CCNL2: variants seen among roughly 807,000 people sequenced by gnomAD.
CCNL2 encodes cyclin L2.
In CCNL2, 28 loss-of-function variants were observed where a neutral mutation model predicts 59.1. The ratio of observed to expected loss-of-function variants is 0.47; its 90% CI spans 0.35 to 0.65. The LOEUF (loss-of-function observed/expected upper bound fraction) is 0.65. Among genes scored for constraint, CCNL2 ranks in the 30% least tolerant of loss-of-function variants. The pLI is 0.00. For synonymous variants in CCNL2, 342 were observed against 288.6 expected, an observed-to-expected ratio of 1.19 and a Z score of -1.88; for missense variants, 714 against 717.4, an observed-to-expected ratio of 1.00 and a Z score of 0.05.
chr1:1,398,325 A>C lies in CCNL2; in HGVS notation c.381T>G (p.Cys127Trp). 6.2e-7 allele frequency: 1 copy of C among 1,614,188 alleles called. No individual in the cohort carries two copies. Among genetic ancestry groups the C allele is most frequent in the Non-Finnish European group, 8.5e-7 (1 of 1,180,018 alleles). ...CTTCTATCTTGGAAGCCAGGTGGAC[A>C]CAGGCCATTGACACATGCTGAAGCG... ...KHSMEHVSMA[C>W]VHLASKIEEA... The change falls in exon 3 of 11, where the codon TGT (cysteine) becomes TGG (tryptophan). Residue 127 changes from cysteine to tryptophan, a missense_variant. This residue lies in a region of CCNL2 where 270 missense variants were observed against 254.9 expected (regional missense o/e 1.06). Coordinates refer to ENST00000400809, the MANE Select transcript of CCNL2 (RefSeq NM_030937.6).
chr1:1,398,000 C>A (rs934667897), intron 3 of CCNL2, among the ~76,000 whole-genome samples: 2 of 152,188 alleles, frequency 1.3e-5, no homozygotes, highest in South Asian at 2.1e-4. Flanking sequence ...GAAGCCAGCC[C>A]CAGCGCGACC....
At chr1:1,395,220 C>T (rs1009009030) in intron 4 of CCNL2, 174 bp downstream of exon 4, 2 of 588,204 alleles carry the variant, frequency 3.4e-6, no homozygotes, top group Non-Finnish European at 2.9e-6. Flanking sequence ...ACAGCTGACA[C>T]TAGAAGACGA....
At chr1:1,398,111 A>G (rs1204146228) in intron 3 of CCNL2, 122 bp downstream of exon 3, 38 of 922,954 alleles carry the variant, frequency 4.1e-5, no homozygotes, top group Non-Finnish European at 4.8e-5. Context: ...GACTGCGCTC[A>G]TGAATATCCC....
At chr1:1,389,082 A>T (rs1449467789) in intron 8 of CCNL2, 1 of 169,332 alleles carries the variant, frequency 5.9e-6, no homozygotes, top group Non-Finnish European at 1.3e-5. Flanking sequence ...TCTCAAAAAA[A>T]GAAATGCAGG....
rs1442001217 is a variant in CCNL2, at chr1:1,393,098, G to A, written c.659+298C>T. On this transcript the variant is annotated intron_variant, in intron 5 of 10. Transcript: ENST00000400809. ...CTAGCCTGTCCCTCCACCCTCCCCAGGAAAAGGTCCCCCTGCGCCAAGTCA... is the reference window on the plus strand; with the variant it reads ...CTAGCCTGTCCCTCCACCCTCCCCAAGAAAAGGTCCCCCTGCGCCAAGTCA... 12 of 584,736 alleles carry A rather than the reference G, an allele frequency of 2.1e-5. No homozygotes were observed. The East Asian group carries it at 2.6e-4, about 12-fold the overall frequency. 36.2% of individuals were successfully genotyped at this position (584,736 alleles called of 1,614,324 possible).
chr1:1,397,302 C>A (rs1471077176), intron 3 of CCNL2, among the ~76,000 whole-genome samples: 1 of 151,990 alleles, frequency 6.6e-6, no homozygotes, highest in African/African-American at 2.4e-5. Context: ...AACAGACTTT[C>A]GTTTTTTTTG....
At chr1:1,388,579 CTCTCTATA>C (rs778458870) in intron 8 of CCNL2, 28 of 428,528 alleles carry the variant, frequency 6.5e-5, no homozygotes, top group Middle Eastern at 7.0e-4. Context: ...CTCTCTCTCT[CTCTCTATA>C]TATATATATA....
intron 5 of CCNL2, chr1:1,391,853 T>C (rs1013369603): frequency 6.9e-6 from 2 of 291,216 alleles, no homozygotes; most frequent in African/African-American, 4.5e-5. Flanking sequence ...GGTGATTCCA[T>C]GAGGACAGTT....
At position 1,391,244 on chromosome 1, in the gene CCNL2, T is replaced by C. The variant is rs564761298; in HGVS notation, c.660-379A>G. 72 of 1,102,570 alleles carry C rather than the reference T, an allele frequency of 6.5e-5. 1 individual carries two copies. In the South Asian group the frequency reaches 1.1e-3, roughly 17 times the overall value. 68.3% of individuals were successfully genotyped at this position (1,102,570 alleles called of 1,614,324 possible). On this transcript the variant is annotated intron_variant, in intron 5 of 10. Transcript: ENST00000400809. ...TCTACTGGAGTCACTAAAACGCTTT[T>C]GATTAAAGAAATCTAAATGCTCAAA...
At chr1:1,394,318 T>G (rs1019311858) in intron 4 of CCNL2, among the ~76,000 whole-genome samples, 4 of 152,032 alleles carry the variant, frequency 2.6e-5, no homozygotes, top group African/African-American at 9.7e-5. Flanking sequence ...ACGCTGGGAG[T>G]GAGGGACCGT....
intron 5 of CCNL2, chr1:1,392,828 G>A (rs1644824898): frequency 5.0e-6 from 8 of 1,610,742 alleles, no homozygotes; most frequent in Admixed American, 1.7e-5. Context: ...GTACAGAAAA[G>A]AAAAGTCAAA....
At chr1:1,391,949 G>T (rs1006761614) in intron 5 of CCNL2, 3 of 200,324 alleles carry the variant, frequency 1.5e-5, no homozygotes, top group Middle Eastern at 2.3e-3. Context: ...GAGGTGGGTT[G>T]TGAGGGAATC....
rs753835778 is a variant in CCNL2, at chr1:1,390,762, T to C, written c.759+4A>G. The C allele has an allele frequency of 1.9e-6, 3 of 1,613,232 alleles. No individual in the cohort carries two copies. Among genetic ancestry groups the C allele is most frequent in the Non-Finnish European group, 2.5e-6 (3 of 1,179,304 alleles). The stretch of plus-strand genomic sequence containing the variant: ...GAATCTCTCCATAGTAGCAACACAC[T>C]GACCTCCAGCGTCCGGGCAGCAAGA... On this transcript the variant is annotated splice_donor_region_variant and intron_variant, in intron 6 of 10. Coordinates refer to ENST00000400809, the MANE Select transcript of CCNL2 (RefSeq NM_030937.6).
At chr1:1,389,959 A>G (rs1422028420) in intron 8 of CCNL2, among the ~76,000 whole-genome samples, 1 of 152,104 alleles carries the variant, frequency 6.6e-6, no homozygotes, top group East Asian at 1.9e-4. Context: ...TCTGTCTCAA[A>G]CAAAAAGAAT....
At position 1,398,357 on chromosome 1, in the gene CCNL2, T is replaced by C. The variant is rs1645165310; in HGVS notation, c.364-15A>G. ...ATTGACACATGCTGAAGCGGAAGCA[T>C]TGCAACACGCCCATGTTTGTCCCCA... On this transcript the variant is annotated splice_polypyrimidine_tract_variant and intron_variant, in intron 2 of 10. Coordinates refer to ENST00000400809, the MANE Select transcript of CCNL2 (RefSeq NM_030937.6). 2 of 1,613,930 alleles carry C rather than the reference T, an allele frequency of 1.2e-6. No individual in the cohort carries two copies. Among genetic ancestry groups the C allele is most frequent in the East Asian group, 2.2e-5 (1 of 44,884 alleles).
chr1:1,392,738 T>A, intron 5 of CCNL2: 1 of 1,604,744 alleles, frequency 6.2e-7, no homozygotes, highest in Middle Eastern at 1.9e-4. Context: ...AAGATGCCGC[T>A]GTCCCTGCAC....
At chr1:1,391,818 T>G (rs1644777501) in intron 5 of CCNL2, 2 of 302,868 alleles carry the variant, frequency 6.6e-6, no homozygotes, top group South Asian at 5.4e-5. Flanking sequence ...TACACTAGCT[T>G]TATGAATACT....
At chr1:1,395,258 T>A (rs1424578447) in intron 4 of CCNL2, 136 bp downstream of exon 4, 2 of 842,234 alleles carry the variant, frequency 2.4e-6, no homozygotes, top group Non-Finnish European at 3.6e-6. Flanking sequence ...CTTGAGATTA[T>A]AAATAGAAAC....
At chr1:1,392,700 C>T (rs1295175518) in intron 5 of CCNL2, 6 of 1,575,336 alleles carry the variant, frequency 3.8e-6, no homozygotes, top group East Asian at 2.3e-5. Context: ...AGCCAGCCTT[C>T]GGTGGAGAGC....
Sources: gnomAD v4.1 joint callset for allele counts (sites outside exome capture counted in the v4.1 genomes callset) on GRCh38, gnomAD v4.1.1 for gene constraint, gnomAD v4.1.1 regional missense constraint, MANE v1.5 for transcripts, NCBI Gene and HGNC (gene_info 2026-07-23, HGNC 2026-07-21) for gene names.